The following THUMPD1 variants were observed in gnomAD, a reference collection of about 807,000 sequenced individuals.
THUMPD1 encodes the protein THUMP domain-containing protein 1.
In THUMPD1, 31 loss-of-function variants were observed where a neutral mutation model predicts 31.6. That is an observed-to-expected ratio of 0.98 (90% CI 0.74 to 1.32). THUMPD1 has a LOEUF of 1.32. Ranked by LOEUF, THUMPD1 falls within the 40% of genes most tolerant of loss-of-function variation. The probability of loss-of-function intolerance (pLI) is 0.00; values close to 1 mark genes in which losing one functional copy is unlikely to be tolerated. For synonymous variants in THUMPD1, 166 were observed against 158.2 expected (o/e 1.05, Z -0.37); for missense variants, 446 against 427.8 (o/e 1.04, Z -0.38).
chr16:20,738,825 A>C, intron 2 of THUMPD1, 72 bp downstream of exon 2: 1 of 1,534,262 alleles, frequency 6.5e-7, no homozygotes, highest in Non-Finnish European at 8.9e-7. Flanking sequence ...CCATTTTGTA[A>C]GCAGTATTCC....
At chr16:20,741,483 C>CA in intron 1 of THUMPD1, 26 bp downstream of exon 1, 2 of 200,040 alleles carry the variant, frequency 1.0e-5, no homozygotes, top group South Asian at 7.3e-5. Flanking sequence ...GGCAGCCGGC[C>CA]CGCCCGCCCA....
rs748043572 is a variant in THUMPD1, at chr16:20,741,573, T to C, written c.167A>G (p.Lys56Arg). 8 of 1,478,056 alleles carry C rather than the reference T, an allele frequency of 5.4e-6. No homozygotes were observed. Among genetic ancestry groups the C allele is most frequent in the South Asian group, 2.4e-5 (2 of 85,102 alleles). 91.6% of individuals were successfully genotyped at this position (1,478,056 alleles called of 1,614,324 possible). Reference sequence around the variant, plus strand: ...GAGGCTGTAGGCCTCCTCCACGCACTTGCGCTCGTTCATATTGCAGGTGAT... The same window carrying C: ...GAGGCTGTAGGCCTCCTCCACGCACCTGCGCTCGTTCATATTGCAGGTGAT... ...ILITCNMNER[K>R]CVEEAYSLLN... Residue 56 changes from lysine (K) to arginine (R), a missense_variant, in exon 1 of 4, where the codon AAG becomes AGG. Transcript: ENST00000396083.
Position 20,733,826 on chromosome 16 carries a change from T to C in THUMPD1, c.*3054A>G, listed in dbSNP as rs957759653. On this transcript the variant is annotated 3_prime_UTR_variant, in exon 4 of 4. Coordinates refer to ENST00000396083, the MANE Select transcript of THUMPD1 (RefSeq NM_017736.5). ...ATGTTTTAAAATACAAAGTTTAACATTCTTTCCTCTATGGAGCTAAACAAG... is the reference window on the plus strand; with the variant it reads ...ATGTTTTAAAATACAAAGTTTAACACTCTTTCCTCTATGGAGCTAAACAAG... 6 of 152,274 alleles carry C rather than the reference T, an allele frequency of 3.9e-5. No individual in the cohort carries two copies. The highest frequency in any genetic ancestry group is 1.4e-4 in the African/African-American group (6 of 41,574). 9.4% of individuals were successfully genotyped at this position (152,274 alleles called of 1,614,324 possible). A position where few individuals can be genotyped will look rare whatever the true frequency, so the allele number is the denominator to read the frequency against.
In THUMPD1 at chr16:20,737,866, G is replaced by C. The variant is rs758767309; in HGVS notation, c.497C>G (p.Ser166Ter). ...TTCTAAAAAAGCCTTGCATGTGCCTGAGATGGGTAACATTCGCAAAATAAC... is the reference window on the plus strand; with the variant it reads ...TTCTAAAAAAGCCTTGCATGTGCCTCAGATGGGTAACATTCGCAAAATAAC... ...TRVILRMLPI[S>*]GTCKAFLEDM... The change falls in exon 3 of 4, where the codon TCA (serine) becomes TGA (stop). Residue 166 changes from serine (S) to a stop codon, truncating the protein, a stop_gained. Transcript: ENST00000396083. LOFTEE classifies it high-confidence loss of function. 4.3e-5 allele frequency: 70 copies of C among 1,613,712 alleles called. No homozygotes were observed. The highest frequency in any genetic ancestry group is 5.6e-5 in the Non-Finnish European group (66 of 1,179,914).
Position 20,741,481 on chromosome 16 carries a change from G to GTC in THUMPD1, c.231+27_231+28insGA. ...CTCCTCCCGCAAGGCCTGGCAGCCGGCCCGCCCGCCCACCCCGGGACCGGT... is the reference window on the plus strand; with the variant it reads ...CTCCTCCCGCAAGGCCTGGCAGCCGGTCCCCGCCCGCCCACCCCGGGACCGGT... On this transcript the variant is annotated intron_variant, in intron 1 of 3. Coordinates refer to ENST00000396083, the MANE Select transcript of THUMPD1 (RefSeq NM_017736.5). 39 of 1,308,414 alleles carry GTC rather than the reference G, an allele frequency of 3.0e-5. 3 individuals are homozygous for GTC. The highest frequency in any genetic ancestry group is 2.3e-4 in the South Asian group (13 of 56,252). The allele number at this position is 1,308,414 out of a possible 1,614,324, so 81.1% of individuals were successfully genotyped here. A position where few individuals can be genotyped will look rare whatever the true frequency, so the allele number is the denominator to read the frequency against.
chr16:20,736,538 T>C lies in THUMPD1; in HGVS notation c.*342A>G, dbSNP rs74011851. ...CTGTGGCATGTAAAAACTCCTTCCT[T>C]AGAATGAAAACTTCCCTCTGATTTT... On this transcript the variant is annotated 3_prime_UTR_variant, in exon 4 of 4. Coordinates refer to ENST00000396083, the MANE Select transcript of THUMPD1 (RefSeq NM_017736.5). 1.2e-3 allele frequency: 263 copies of C among 221,072 alleles called. 1 individual carries two copies. The highest frequency in any genetic ancestry group is 5.5e-3 in the African/African-American group (241 of 44,158). The allele number at this position is 221,072 out of a possible 1,614,324, so 13.7% of individuals were successfully genotyped here.
chr16:20,741,477 G>A (rs2079921454), intron 1 of THUMPD1, 32 bp downstream of exon 1: 3 of 1,378,116 alleles, frequency 2.2e-6, no homozygotes, highest in Non-Finnish European at 2.9e-6. Flanking sequence ...AGGCCTGGCA[G>A]CCGGCCCGCC....
At chr16:20,739,671 A>C (rs573539535) in intron 1 of THUMPD1, among the ~76,000 whole-genome samples, 73 of 151,960 alleles carry the variant, frequency 4.8e-4, no homozygotes, top group African/African-American at 1.7e-3. Context: ...AAATACAAAA[A>C]TTAGCCCGAT....
rs774413818 is a variant in THUMPD1 at position 20,737,942 on chromosome 16, C to T, written c.421G>A (p.Val141Met). 1.3e-6 allele frequency: 2 copies of T among 1,591,556 alleles called. No individual in the cohort carries two copies. The highest frequency in any genetic ancestry group is 1.2e-5 in the South Asian group (1 of 85,260). The change falls in exon 3 of 4, where the codon GTG becomes ATG. Residue 141 changes from valine to methionine, a missense_variant. Physicochemically the swap from Val to Met is conservative, Grantham distance 21. Transcript: ENST00000396083. ...TACATATCCTGGAGAATATGATGCA[C>T]CAATTTCTCAGGCTCTTAAGAAAAA... ...RTLGIEPEKLVHHILQDMYKT... is the reference protein window; with the variant it reads ...RTLGIEPEKLMHHILQDMYKT...
Position 20,737,017 on chromosome 16 carries a change from C to T in THUMPD1, c.925G>A (p.Val309Ile). 6.2e-7 allele frequency: 1 copy of T among 1,614,132 alleles called. No homozygotes were observed. Among genetic ancestry groups the T allele is most frequent in the African/African-American group, 1.3e-5 (1 of 75,012 alleles). ...NTAEGKNNQQ[V>I]PENTEELGQT... ...CCCAGCTCCTCAGTATTCTCTGGTA[C>T]CTGCTGGTTATTTTTTCCTTCTGCT... Residue 309 changes from valine to isoleucine, a missense_variant, in exon 4 of 4, where the codon GTA becomes ATA. By Grantham distance (29) the Val-to-Ile change is conservative (BLOSUM62 3). Coordinates refer to ENST00000396083, the MANE Select transcript of THUMPD1 (RefSeq NM_017736.5).
At chr16:20,739,239 G>A (rs988705031) in intron 1 of THUMPD1, among the ~76,000 whole-genome samples, 168 bp from the exon 2 acceptor site, 13 of 151,256 alleles carry the variant, frequency 8.6e-5, no homozygotes, top group African/African-American at 2.4e-4. Flanking sequence ...GCAGTGGTGC[G>A]ATCTTGACTT....
intron 1 of THUMPD1, 40 bp downstream of exon 1, chr16:20,741,469 G>A (rs1177763287): frequency 2.1e-6 from 3 of 1,452,474 alleles, no homozygotes; most frequent in South Asian, 1.4e-5. Context: ...CTCCCGCAAG[G>A]CCTGGCAGCC....
Position 20,734,951 on chromosome 16 carries a change from T to C in THUMPD1, c.*1929A>G, listed in dbSNP as rs2079856607. ...CTAGTGCTGGGAAAAGGAGAGAAAA[T>C]GCTATTTCATTGGGTCTTGTGGTTC... On this transcript the variant is annotated 3_prime_UTR_variant, in exon 4 of 4. Transcript: ENST00000396083. The C allele has an allele frequency of 6.6e-6, 1 of 152,136 alleles. No individual in the cohort carries two copies. The highest frequency in any genetic ancestry group is 1.5e-5 in the Non-Finnish European group (1 of 68,048). The allele number at this position is 152,136 out of a possible 1,614,324, so 9.4% of individuals were successfully genotyped here. A position where few individuals can be genotyped will look rare whatever the true frequency, so the allele number is the denominator to read the frequency against.
rs1005073997 is a variant in THUMPD1 at position 20,734,756 on chromosome 16, C to T, written c.*2124G>A. On this transcript the variant is annotated 3_prime_UTR_variant, in exon 4 of 4. Transcript: ENST00000396083. Reference sequence around the variant, plus strand: ...CTTTCAAATTCAGGAAACCCCTAAACCCCTGCAGAGAACCCTCATGGTATG... The same window carrying T: ...CTTTCAAATTCAGGAAACCCCTAAATCCCTGCAGAGAACCCTCATGGTATG... The T allele has an allele frequency of 6.6e-6, 1 of 152,150 alleles. No homozygotes were observed. The highest frequency in any genetic ancestry group is 1.5e-5 in the Non-Finnish European group (1 of 68,012). The allele number at this position is 152,150 out of a possible 1,614,324, so 9.4% of individuals were successfully genotyped here. A position where few individuals can be genotyped will look rare whatever the true frequency, so the allele number is the denominator to read the frequency against.
chr16:20,736,690 A>C lies in THUMPD1; in HGVS notation c.*190T>G. 1.6e-6 allele frequency: 1 copy of C among 618,562 alleles called. No homozygotes were observed. Among genetic ancestry groups the C allele is most frequent in the Non-Finnish European group, 2.8e-6 (1 of 361,200 alleles). 38.3% of individuals were successfully genotyped at this position (618,562 alleles called of 1,614,324 possible). A position where few individuals can be genotyped will look rare whatever the true frequency, so the allele number is the denominator to read the frequency against. The stretch of plus-strand genomic sequence containing the variant: ...CAGCACATGGGTCTGCCTCTACGTA[A>C]TACCATAAAGGCTGAAAGATCCCTA... On this transcript the variant is annotated 3_prime_UTR_variant, in exon 4 of 4. Transcript: ENST00000396083.
At chr16:20,738,142 A>T in intron 2 of THUMPD1, 186 bp from the exon 3 acceptor site, 1 of 687,154 alleles carries the variant, frequency 1.5e-6, no homozygotes, top group Non-Finnish European at 2.6e-6. Context: ...ACTATAATGT[A>T]TCTAATATAT....
In THUMPD1 at chr16:20,737,184, A is replaced by G. The variant is rs1363759244; in HGVS notation, c.758T>C (p.Val253Ala). ...IIKAVCCLSV[V>A]KDYMLFRKYN... ...TTTTCTAAACAACATGTAATCTTTC[A>G]CAACACTCAGGCAACAGACAGCTTT... Residue 253 changes from valine (V) to alanine (A), a missense_variant, in exon 4 of 4, where the codon GTG becomes GCG. Coordinates refer to ENST00000396083, the MANE Select transcript of THUMPD1 (RefSeq NM_017736.5). 6.2e-7 allele frequency: 1 copy of G among 1,614,124 alleles called. No individual in the cohort carries two copies. Among genetic ancestry groups the G allele is most frequent in the Non-Finnish European group, 8.5e-7 (1 of 1,180,018 alleles).
chr16:20,735,132 A>G lies in THUMPD1; in HGVS notation c.*1748T>C, dbSNP rs1452565009. 6.6e-6 allele frequency: 1 copy of G among 152,192 alleles called. No homozygotes were observed. Among genetic ancestry groups the G allele is most frequent in the African/African-American group, 2.4e-5 (1 of 41,444 alleles). 9.4% of individuals were successfully genotyped at this position (152,192 alleles called of 1,614,324 possible). A position where few individuals can be genotyped will look rare whatever the true frequency, so the allele number is the denominator to read the frequency against. ...CGCTTTAAGAAAAATTTTTTTCCCC[A>G]GAACCTTTCAGAGACTTGTCCATTT... On this transcript the variant is annotated 3_prime_UTR_variant, in exon 4 of 4. Transcript: ENST00000396083.
In THUMPD1 at chr16:20,741,592, A is replaced by C. The variant is rs1475171068; in HGVS notation, c.148T>G (p.Cys50Gly). 6.4e-7 allele frequency: 1 copy of C among 1,573,182 alleles called. No individual in the cohort carries two copies. Among genetic ancestry groups the C allele is most frequent in the South Asian group, 1.2e-5 (1 of 86,168 alleles). The change falls in exon 1 of 4, where the codon TGC becomes GGC. Residue 50 changes from cysteine (C) to glycine (G), a missense_variant. Cys to Gly is a radical substitution (Grantham distance 159). Coordinates refer to ENST00000396083, the MANE Select transcript of THUMPD1 (RefSeq NM_017736.5). ...EPGLQGILIT[C>G]NMNERKCVEE... ...ACGCACTTGCGCTCGTTCATATTGC[A>C]GGTGATGAGGATGCCCTGTAGCCCG...
Sources: gnomAD v4.1 joint callset for allele counts (sites outside exome capture counted in the v4.1 genomes callset) on GRCh38, gnomAD v4.1.1 for gene constraint, MANE v1.5 for transcripts, NCBI Gene and HGNC (gene_info 2026-07-23, HGNC 2026-07-21) for gene names.